Variants in CORIN observed in about 807,000 individuals in gnomAD.
CORIN encodes the protein atrial natriuretic peptide-converting enzyme.
CORIN carries 117 observed loss-of-function variants against 125.3 expected under a neutral mutation model. The ratio of observed to expected loss-of-function variants is 0.93; its 90% CI spans 0.80 to 1.09. The LOEUF (loss-of-function observed/expected upper bound fraction) is 1.09, where lower values mean the gene tolerates loss of function less well. Among genes scored for constraint, CORIN ranks in the 50% least tolerant of loss-of-function variants. The probability of loss-of-function intolerance (pLI) is 0.00; values close to 1 mark genes in which losing one functional copy is unlikely to be tolerated. For synonymous variants in CORIN, 450 were observed against 466.4 expected (o/e 0.96, Z 0.45); for missense variants, 1,253 against 1,306.7 (o/e 0.96, Z 0.63).
chr4:47,815,035 G>C (rs751336271), intron 1 of CORIN, among the ~76,000 whole-genome samples: 7 of 152,102 alleles, frequency 4.6e-5, no homozygotes, highest in African/African-American at 7.2e-5. Context: ...TAGTGTTTCT[G>C]TTTTGAGGAT....
chr4:47,800,977 T>C (rs1458817760), intron 2 of CORIN, among the ~76,000 whole-genome samples: 1 of 152,194 alleles, frequency 6.6e-6, no homozygotes, highest in Non-Finnish European at 1.5e-5. Flanking sequence ...CTGCTTCAAC[T>C]GCCACTGAGA....
intron 10 of CORIN, among the ~76,000 whole-genome samples, chr4:47,672,626 G>T (rs1360056056): frequency 6.6e-6 from 1 of 152,056 alleles, no homozygotes; most frequent in Non-Finnish European, 1.5e-5. Flanking sequence ...ATACGTGTGT[G>T]TGTGTGTGTA....
chr4:47,727,874 T>C (rs1463387552), intron 5 of CORIN, among the ~76,000 whole-genome samples: 1 of 152,312 alleles, frequency 6.6e-6, no homozygotes, highest in South Asian at 2.1e-4. Context: ...TTTGTAGATA[T>C]TAATTTAAAA....
At chr4:47,756,426 T>C (rs918288062) in intron 4 of CORIN, among the ~76,000 whole-genome samples, 1 of 152,228 alleles carries the variant, frequency 6.6e-6, no homozygotes, top group African/African-American at 2.4e-5. Flanking sequence ...GATGAAATTC[T>C]TTAATCTTCA....
Position 47,623,657 on chromosome 4 carries a change from A to AGT in CORIN, c.2453_2454insAC (p.Gln820CysfsTer21). 1 of 1,614,232 alleles carries AGT rather than the reference A, an allele frequency of 6.2e-7. No homozygotes were observed. The highest frequency in any genetic ancestry group is 8.5e-7 in the Non-Finnish European group (1 of 1,180,034). On this transcript the variant is annotated frameshift_variant, in exon 19 of 22. Transcript: ENST00000273857. LOFTEE classifies it high-confidence loss of function. Reference sequence around the variant, plus strand: ...TATGTCCACTGGGTTCACTCTGCAGAGAACACTGCCATGGCCACCTTCCAG... The same window carrying AGT: ...TATGTCCACTGGGTTCACTCTGCAGAGTGAACACTGCCATGGCCACCTTCCAG...
chr4:47,655,283 G>T (rs1723921352), intron 12 of CORIN, among the ~76,000 whole-genome samples: 1 of 152,160 alleles, frequency 6.6e-6, no homozygotes, highest in African/African-American at 2.4e-5. Context: ...TCCTGCTTGA[G>T]AACAGGAGAG....
chr4:47,744,809 T>G (rs1728590476), intron 4 of CORIN, among the ~76,000 whole-genome samples: 2 of 152,236 alleles, frequency 1.3e-5, no homozygotes, highest in South Asian at 4.1e-4. Flanking sequence ...AACTATTTCT[T>G]GTAGGAACAT....
intron 2 of CORIN, among the ~76,000 whole-genome samples, chr4:47,792,299 G>T (rs952896205): frequency 1.3e-5 from 2 of 152,186 alleles, no homozygotes; most frequent in African/African-American, 2.4e-5. Context: ...CTTGTACAAG[G>T]CTTGGAATTT....
At chr4:47,711,849 A>G (rs1726856882) in intron 5 of CORIN, among the ~76,000 whole-genome samples, 1 of 152,160 alleles carries the variant, frequency 6.6e-6, no homozygotes, top group African/African-American at 2.4e-5. Context: ...TCACATCACA[A>G]TGAGAACTCT....
chr4:47,633,763 T>C (rs1362965423), intron 16 of CORIN, among the ~76,000 whole-genome samples: 1 of 152,220 alleles, frequency 6.6e-6, no homozygotes, highest in Non-Finnish European at 1.5e-5. Context: ...AGATTATCAG[T>C]TTCAATTTCA....
chr4:47,642,018 G>C lies in CORIN; in HGVS notation c.2100C>G (p.Ser700=), dbSNP rs767265119. 6.2e-7 allele frequency: 1 copy of C among 1,613,392 alleles called. No homozygotes were observed. The highest frequency in any genetic ancestry group is 1.1e-5 in the South Asian group (1 of 91,050). ...TGGCAGCTCTGTGAACCATCAGAAA[G>C]GAAGAGGAGTTCACATTTATAGAGA... ...VTLSINVNSS[S]FLMVHRAATE... is the part of the protein sequence containing the mutation. The change falls in exon 16 of 22, where the codon TCC becomes TCG. Residue 700 remains serine (S), a synonymous_variant. Coordinates refer to ENST00000273857, the MANE Select transcript of CORIN (RefSeq NM_006587.4).
chr4:47,636,802 T>C (rs1488480449), intron 16 of CORIN, among the ~76,000 whole-genome samples: 1 of 152,208 alleles, frequency 6.6e-6, no homozygotes, highest in Non-Finnish European at 1.5e-5. Context: ...GGAATGTCTT[T>C]ATCAGCAGTG....
At chr4:47,639,606 G>A (rs1040936151) in intron 16 of CORIN, among the ~76,000 whole-genome samples, 1 of 152,204 alleles carries the variant, frequency 6.6e-6, no homozygotes, top group Admixed American at 6.5e-5. Context: ...AAGCTAAGAA[G>A]GAACACCATT....
chr4:47,718,840 A>G (rs1004352061), intron 5 of CORIN, among the ~76,000 whole-genome samples: 4 of 152,208 alleles, frequency 2.6e-5, no homozygotes, highest in African/African-American at 9.6e-5. Flanking sequence ...TAGTTAAAAG[A>G]TGAGTCTGTT....
chr4:47,813,210 T>C (rs1209641563), intron 1 of CORIN, among the ~76,000 whole-genome samples: 3 of 152,240 alleles, frequency 2.0e-5, no homozygotes, highest in African/African-American at 7.2e-5. Context: ...TTTCATGTGA[T>C]GACCAATAAA....
intron 3 of CORIN, among the ~76,000 whole-genome samples, chr4:47,779,852 C>T (rs946478115): frequency 3.9e-5 from 6 of 152,214 alleles, no homozygotes; most frequent in African/African-American, 1.4e-4. Flanking sequence ...AAGCTTTCTA[C>T]ACCCAGTAAC....
At chr4:47,772,151 C>T (rs923683642) in intron 3 of CORIN, among the ~76,000 whole-genome samples, 3 of 152,048 alleles carry the variant, frequency 2.0e-5, no homozygotes, top group Admixed American at 1.3e-4. Flanking sequence ...TATTCCTAAA[C>T]GCACCTTCAT....
At chr4:47,661,555 A>G in intron 12 of CORIN, 156 bp downstream of exon 12, 1 of 603,408 alleles carries the variant, frequency 1.7e-6, no homozygotes, top group Non-Finnish European at 2.8e-6. Flanking sequence ...AAATTCTTCA[A>G]TGCAATCAAG....
intron 13 of CORIN, among the ~76,000 whole-genome samples, chr4:47,646,041 C>T (rs1173237236): frequency 5.7e-5 from 3 of 52,662 alleles, no homozygotes; most frequent in East Asian, 2.1e-3. Flanking sequence ...CTCCACCTGT[C>T]TCAAAAAAAA....
Sources: allele counts gnomAD v4.1 joint callset (sites outside exome capture counted in the v4.1 genomes callset), GRCh38; gene constraint gnomAD v4.1.1; transcripts MANE v1.5; gene names NCBI Gene and HGNC (gene_info 2026-07-23, HGNC 2026-07-21).